The following COMMD6 variants were observed in gnomAD, a reference collection of about 807,000 sequenced individuals.
COMMD6 encodes COMM domain-containing protein 6.
In COMMD6, 11 loss-of-function variants were observed where a neutral mutation model predicts 13.4. The ratio of observed to expected loss-of-function variants is 0.82; its 90% CI spans 0.52 to 1.36. COMMD6 has a LOEUF of 1.36. Among genes scored for constraint, COMMD6 ranks in the 40% most tolerant of loss-of-function variants. The pLI, the probability that COMMD6 is intolerant of heterozygous loss-of-function variation, is 0.00. For synonymous variants in COMMD6, 43 were observed against 36.5 expected, an observed-to-expected ratio of 1.18 and a Z score of -0.64; for missense variants, 124 against 102.4, an observed-to-expected ratio of 1.21 and a Z score of -0.91.
At chr13:75,534,033 G>A (rs1365895965) in intron 2 of COMMD6, among the ~76,000 whole-genome samples, 1 of 151,814 alleles carries the variant, frequency 6.6e-6, no homozygotes, top group African/African-American at 2.4e-5. Context: ...GCAGTGGCAT[G>A]AATGTGACTC....
chr13:75,533,542 C>G (rs1264844068), intron 2 of COMMD6, among the ~76,000 whole-genome samples: 2 of 147,368 alleles, frequency 1.4e-5, no homozygotes, highest in African/African-American at 2.5e-5. Flanking sequence ...GCACTCCAGC[C>G]TGGGCAACAG....
chr13:75,527,861 A>T, intron 3 of COMMD6: 1 of 1,500,112 alleles, frequency 6.7e-7, no homozygotes, highest in Non-Finnish European at 8.9e-7. Flanking sequence ...GCTGGGGGTC[A>T]ATGGGGAAAT....
Position 75,529,291 on chromosome 13 carries a change from T to C in COMMD6, c.207+823A>G, listed in dbSNP as rs1027503498. On this transcript the variant is annotated intron_variant, in intron 3 of 3. Coordinates refer to ENST00000682242, the MANE Select transcript of COMMD6 (RefSeq NM_203495.4). ...ATCCTGGCACTTTGGGAGGCCAAGG[T>C]GGGTGGATCACAAGGTCAGGAGATC... Among the ~76,000 whole-genome samples the C allele has an allele frequency of 5.3e-5, 8 of 152,024 alleles. No individual in the cohort carries two copies. In the East Asian group the frequency reaches 9.7e-4, roughly 18 times the overall value.
chr13:75,537,463 G>A (rs2030710433), intron 2 of COMMD6: 2 of 1,551,678 alleles, frequency 1.3e-6, no homozygotes, highest in African/African-American at 1.4e-5. Flanking sequence ...GTGCAGGGTG[G>A]GGAAGAGGAG....
chr13:75,526,637 A>C lies in COMMD6; in HGVS notation c.210T>G (p.Asn70Lys). 1 of 1,600,810 alleles carries C rather than the reference A, an allele frequency of 6.2e-7. No homozygotes were observed. The highest frequency in any genetic ancestry group is 8.5e-7 in the Non-Finnish European group (1 of 1,171,144). ...CFEMTIPQFQ[N>K]FYRQFKEIAA... is the part of the protein sequence containing the mutation. Reference sequence around the variant, plus strand: ...CAATTTCCTTGAACTGTCTGTAGAAATTCTGGAGAGAAAGGGGGAAAATAA... The same window carrying C: ...CAATTTCCTTGAACTGTCTGTAGAACTTCTGGAGAGAAAGGGGGAAAATAA... Residue 70 changes from asparagine to lysine, a missense_variant and splice_region_variant, in exon 4 of 4, where the codon AAT (asparagine) becomes AAG (lysine). By Grantham distance (94) the Asn-to-Lys change is moderately conservative (BLOSUM62 0). Transcript: ENST00000682242.
chr13:75,533,155 T>C (rs1331724063), intron 2 of COMMD6, among the ~76,000 whole-genome samples: 1 of 151,890 alleles, frequency 6.6e-6, no homozygotes, highest in African/African-American at 2.4e-5. Flanking sequence ...GTGGTCTCAA[T>C]CTCCTGACCT....
At chr13:75,528,124 G>A (rs942960863) in intron 3 of COMMD6, among the ~76,000 whole-genome samples, 1 of 151,140 alleles carries the variant, frequency 6.6e-6, no homozygotes, top group Non-Finnish European at 1.5e-5. Context: ...TTTACACAAT[G>A]TATATCTTTT....
At chr13:75,531,531 T>C (rs965194602) in intron 2 of COMMD6, among the ~76,000 whole-genome samples, 1 of 152,218 alleles carries the variant, frequency 6.6e-6, no homozygotes, top group African/African-American at 2.4e-5. Context: ...GAAGATTGAA[T>C]AAATTCATTT....
upstream of COMMD6, among the ~76,000 whole-genome samples, chr13:75,538,432 A>G (rs2030758338): frequency 6.6e-6 from 1 of 152,202 alleles, no homozygotes; most frequent in Admixed American, 6.5e-5. Flanking sequence ...TTCCCCGCCA[A>G]CTTTGTATTT....
intron 3 of COMMD6, among the ~76,000 whole-genome samples, chr13:75,529,517 TC>T: frequency 2.2e-5 from 1 of 45,556 alleles, no homozygotes; most frequent in Admixed American, 3.5e-4. Flanking sequence ...CGAGACTCCG[TC>T]TCAAAAAAAA....
At chr13:75,531,035 T>C (rs1275267948) in intron 2 of COMMD6, among the ~76,000 whole-genome samples, 1 of 152,236 alleles carries the variant, frequency 6.6e-6, no homozygotes, top group Non-Finnish European at 1.5e-5. Flanking sequence ...ACTGTCTGTC[T>C]TGTTTCCAAA....
chr13:75,548,183 C>T (rs2030943999), intron 1 of COMMD6, among the ~76,000 whole-genome samples: 1 of 152,216 alleles, frequency 6.6e-6, no homozygotes. Context: ...GCACTGAGTC[C>T]AGCAGAGACT....
rs1443298988 is a variant in COMMD6 at position 75,525,371 on chromosome 13, C to CA, written c.*1217dup. 6.6e-6 allele frequency: 1 copy of CA among 152,208 alleles called. No homozygotes were observed. The highest frequency in any genetic ancestry group is 1.5e-5 in the Non-Finnish European group (1 of 68,076). The allele number at this position is 152,208 out of a possible 1,614,324, so 9.4% of individuals were successfully genotyped here. A position where few individuals can be genotyped will look rare whatever the true frequency, so the allele number is the denominator to read the frequency against. On this transcript the variant is annotated 3_prime_UTR_variant, in exon 4 of 4. Transcript: ENST00000682242. Reference sequence around the variant, plus strand: ...GTGTTAATCCGAAGTAAGTGGGAGACAGAGGAACCTCATGCACAGTTACAG... The same window carrying CA: ...GTGTTAATCCGAAGTAAGTGGGAGACAAGAGGAACCTCATGCACAGTTACAG...
intron 3 of COMMD6, among the ~76,000 whole-genome samples, chr13:75,528,626 G>A (rs1372490807): frequency 6.6e-6 from 1 of 152,124 alleles, no homozygotes; most frequent in Non-Finnish European, 1.5e-5. Flanking sequence ...TGGATCAACT[G>A]AGGTCAGGAG....
At chr13:75,543,483 T>C (rs535821522), upstream of COMMD6, among the ~76,000 whole-genome samples, 28 of 152,368 alleles carry the variant, frequency 1.8e-4, no homozygotes, top group Admixed American at 5.2e-4. Flanking sequence ...GACCATAAGA[T>C]ACAAATTTGT....
Position 75,526,252 on chromosome 13 carries a change from C to A in COMMD6, c.*337G>T. On this transcript the variant is annotated 3_prime_UTR_variant, in exon 4 of 4. Transcript: ENST00000682242. ...ATAAGACTGTTTATAAAATGGGTTC[C>A]ATCCAGTACAAGTTTTTAAACTACT... 1 of 186,828 alleles carries A rather than the reference C, an allele frequency of 5.4e-6. No homozygotes were observed. The highest frequency in any genetic ancestry group is 1.9e-4 in the South Asian group (1 of 5,258). 11.6% of individuals were successfully genotyped at this position (186,828 alleles called of 1,614,324 possible). A position where few individuals can be genotyped will look rare whatever the true frequency, so the allele number is the denominator to read the frequency against.
chr13:75,530,039 G>C, intron 3 of COMMD6, 75 bp downstream of exon 3: 1 of 1,219,052 alleles, frequency 8.2e-7, no homozygotes, highest in Non-Finnish European at 1.2e-6. Flanking sequence ...TTTTCCCGTA[G>C]AAAGATTTTA....
upstream of COMMD6, among the ~76,000 whole-genome samples, chr13:75,540,011 C>A (rs1278238037): frequency 6.8e-6 from 1 of 146,446 alleles, no homozygotes; most frequent in Admixed American, 6.9e-5. Flanking sequence ...CACTCTGTTG[C>A]CCAGGCTGGA....
At chr13:75,529,520 C>CAAAAAAAAAAAAAAAAAAA (rs58073558) in intron 3 of COMMD6, among the ~76,000 whole-genome samples, 1 of 104,644 alleles carries the variant, frequency 9.6e-6, no homozygotes, top group African/African-American at 3.7e-5. Context: ...GACTCCGTCT[C>CAAAAAAAAAAAAAAAAAAA]AAAAAAAAAA....
Sources: allele counts gnomAD v4.1 joint callset (sites outside exome capture counted in the v4.1 genomes callset), GRCh38; gene constraint gnomAD v4.1.1; transcripts MANE v1.5; gene names NCBI Gene and HGNC (gene_info 2026-07-23, HGNC 2026-07-21).